The following FASTKD2 variants were observed in gnomAD, a reference collection of about 807,000 sequenced individuals.
FASTKD2 encodes the protein FAST kinase domains 2.
A neutral mutation model predicts 63.6 loss-of-function variants in FASTKD2; 51 were observed. The observed-to-expected ratio is 0.80, with a 90% CI of 0.64 to 1.01. FASTKD2 has a LOEUF of 1.01. Ranked by LOEUF, FASTKD2 falls within the 50% of genes least tolerant of loss-of-function variation. The pLI is 0.00. For missense variants in FASTKD2, 786 were observed against 831.1 expected (o/e 0.95, Z 0.67); for synonymous variants, 284 against 293.4 (o/e 0.97, Z 0.33).
rs761081835 is a variant in FASTKD2 at position 206,771,944 on chromosome 2, CAT to C, written c.1042_1043del (p.Met348ValfsTer2). 2 of 1,611,070 alleles carry C rather than the reference CAT, an allele frequency of 1.2e-6. No individual in the cohort carries two copies. Among genetic ancestry groups the C allele is most frequent in the Non-Finnish European group, 1.7e-6 (2 of 1,177,212 alleles). ...DRFSVLNSQH[M>X]FEVLAAMNHR... is the part of the protein sequence containing the mutation. ...GATTTTCTGTTTTGAATAGCCAACA[CAT>C]GTTTGAAGTACTAGCTGCCATGAAT... On this transcript the variant is annotated frameshift_variant, in exon 5 of 12. Transcript: ENST00000402774. LOFTEE classifies it high-confidence loss of function.
intron 7 of FASTKD2, among the ~76,000 whole-genome samples, chr2:206,777,355 C>G (rs1424060051): frequency 2.0e-5 from 3 of 152,008 alleles, no homozygotes; most frequent in African/African-American, 7.2e-5. Flanking sequence ...TCTTCTATAC[C>G]TAATTTGTTG....
In FASTKD2 at chr2:206,766,519, T is replaced by G. The variant is rs373908894; in HGVS notation, c.-50-125T>G. ...CCACATTGGTAAAAAAAACTTTTACTGTTTTATGTAAATGTTTAATGGCTC... is the reference window on the plus strand; with the variant it reads ...CCACATTGGTAAAAAAAACTTTTACGGTTTTATGTAAATGTTTAATGGCTC... On this transcript the variant is annotated intron_variant, in intron 1 of 11. Transcript: ENST00000402774. 1.1e-4 allele frequency: 70 copies of G among 619,724 alleles called. No homozygotes were observed. In the African/African-American group the frequency reaches 1.2e-3, roughly 11 times the overall value. The allele number at this position is 619,724 out of a possible 1,614,324, so 38.4% of individuals were successfully genotyped here.
chr2:206,767,265 TTGCCAAAAGACTGTC>T lies in FASTKD2; in HGVS notation c.575_589del (p.Ala192_Ser196del), dbSNP rs1216641297. On this transcript the variant is annotated inframe_deletion, in exon 2 of 12. Coordinates refer to ENST00000402774, the MANE Select transcript of FASTKD2 (RefSeq NM_001136193.2). ...AACTATTTCACAGCAATGTGGACAATTGCCAAAAGACTGTCTGATGACCAGAAGCGCTTTGAAAAA... is the reference window on the plus strand; with the variant it reads ...AACTATTTCACAGCAATGTGGACAATTGATGACCAGAAGCGCTTTGAAAAA... The T allele has an allele frequency of 6.2e-7, 1 of 1,614,206 alleles. No homozygotes were observed. The highest frequency in any genetic ancestry group is 1.1e-5 in the South Asian group (1 of 91,088).
chr2:206,770,214 T>C lies in FASTKD2; in HGVS notation c.881+20T>C. ...ATTCAGGTGAGAACTCTCTTATGCT[T>C]TCTTCATGTGGTTTTCTTTGTTCCT... is the stretch of plus-strand genomic sequence containing the variant. On this transcript the variant is annotated intron_variant, in intron 3 of 11. Transcript: ENST00000402774. 1 of 1,409,216 alleles carries C rather than the reference T, an allele frequency of 7.1e-7. No individual in the cohort carries two copies. Among genetic ancestry groups the C allele is most frequent in the Non-Finnish European group, 1.0e-6 (1 of 993,040 alleles). The allele number at this position is 1,409,216 out of a possible 1,614,324, so 87.3% of individuals were successfully genotyped here.
chr2:206,790,828 C>G (rs1690265907), intron 11 of FASTKD2, 142 bp downstream of exon 11: 1 of 683,266 alleles, frequency 1.5e-6, no homozygotes, highest in East Asian at 2.7e-5. Context: ...TTACTGTTTT[C>G]TTTGAAAAAG....
intron 7 of FASTKD2, among the ~76,000 whole-genome samples, chr2:206,774,787 G>A (rs762467991): frequency 6.6e-6 from 1 of 151,952 alleles, no homozygotes; most frequent in Non-Finnish European, 1.5e-5. Context: ...AAAGTGTGCA[G>A]TACAATATTG....
intron 10 of FASTKD2, chr2:206,789,779 CAG>C (rs889287413): frequency 4.6e-5 from 7 of 152,246 alleles, no homozygotes; most frequent in African/African-American, 1.7e-4. Flanking sequence ...CATCTCCCCT[CAG>C]AAGAGGCTTT....
At position 206,771,889 on chromosome 2, in the gene FASTKD2, T is replaced by C. The variant is rs1386750875; in HGVS notation, c.991-5T>C. On this transcript the variant is annotated splice_polypyrimidine_tract_variant and splice_region_variant and intron_variant, in intron 4 of 11. Coordinates refer to ENST00000402774, the MANE Select transcript of FASTKD2 (RefSeq NM_001136193.2). ...AAATTAAATTAAAATTTGTTTTTTC[T>C]TTAGATGAAAGCCTTGAGGGAATTA... The C allele has an allele frequency of 6.3e-7, 1 of 1,595,358 alleles. No homozygotes were observed. Among genetic ancestry groups the C allele is most frequent in the East Asian group, 2.2e-5 (1 of 44,766 alleles).
At chr2:206,768,035 G>A (rs575904520) in intron 2 of FASTKD2, among the ~76,000 whole-genome samples, 5 of 152,200 alleles carry the variant, frequency 3.3e-5, no homozygotes, top group Non-Finnish European at 5.9e-5. Context: ...GGCGATCAAA[G>A]GAGAGGAGTG....
Position 206,767,248 on chromosome 2 carries a change from C to T in FASTKD2, c.555C>T (p.Phe185=). The T allele has an allele frequency of 6.2e-7, 1 of 1,614,188 alleles. No homozygotes were observed. The highest frequency in any genetic ancestry group is 8.5e-7 in the Non-Finnish European group (1 of 1,180,016). The change falls in exon 2 of 12, where the codon TTC becomes TTT. Residue 185 remains phenylalanine, a synonymous_variant. Coordinates refer to ENST00000402774, the MANE Select transcript of FASTKD2 (RefSeq NM_001136193.2). Reference sequence around the variant, plus strand: ...CCACATTTCCTAGTAGCAACTATTTCACAGCAATGTGGACAATTGCCAAAA... The same window carrying T: ...CCACATTTCCTAGTAGCAACTATTTTACAGCAATGTGGACAATTGCCAAAA... ...KAPTFPSSNY[F]TAMWTIAKRL... is the part of the protein sequence containing the mutation.
chr2:206,786,917 A>C lies in FASTKD2; in HGVS notation c.1594+18A>C. ...GACATCAGGTAGGATGTTAGTGCAG[A>C]ATTGGTCACCAATTGTGACCAATTC... is the stretch of plus-strand genomic sequence containing the variant. On this transcript the variant is annotated intron_variant, in intron 8 of 11. Transcript: ENST00000402774. 2 of 1,551,070 alleles carry C rather than the reference A, an allele frequency of 1.3e-6. No homozygotes were observed. Among genetic ancestry groups the C allele is most frequent in the Non-Finnish European group, 1.8e-6 (2 of 1,133,146 alleles).
intron 7 of FASTKD2, among the ~76,000 whole-genome samples, chr2:206,777,158 T>G (rs964163786): frequency 6.6e-6 from 1 of 152,116 alleles, no homozygotes; most frequent in African/African-American, 2.4e-5. Context: ...TGGTTGTTTT[T>G]CTTTCTTTTT....
chr2:206,781,353 T>C (rs1689971670), intron 7 of FASTKD2, among the ~76,000 whole-genome samples: 1 of 148,158 alleles, frequency 6.7e-6, no homozygotes, highest in Non-Finnish European at 1.5e-5. Context: ...TTGATCTTTG[T>C]TGCCCAGGCT....
At position 206,791,755 on chromosome 2, in the gene FASTKD2, G is replaced by A; in HGVS notation, c.2086G>A (p.Val696Ile). The A allele has an allele frequency of 6.2e-7, 1 of 1,612,872 alleles. No homozygotes were observed. The highest frequency in any genetic ancestry group is 8.5e-7 in the Non-Finnish European group (1 of 1,179,242). ...VTFLKTKIYS[V>I]EALPVAAVNV... is the part of the protein sequence containing the mutation. ...ATTTTTGAAGACTAAAATCTATTCA[G>A]TAGAAGCTCTTCCTGTTGCTGCTGT... Residue 696 changes from valine to isoleucine, a missense_variant, in exon 12 of 12, where the codon GTA becomes ATA. Coordinates refer to ENST00000402774, the MANE Select transcript of FASTKD2 (RefSeq NM_001136193.2).
chr2:206,776,611 A>C (rs1236541756), intron 7 of FASTKD2, among the ~76,000 whole-genome samples: 1 of 151,982 alleles, frequency 6.6e-6, no homozygotes, highest in East Asian at 1.9e-4. Context: ...TTTTCCCAAC[A>C]CCTTTTGTTG....
intron 7 of FASTKD2, among the ~76,000 whole-genome samples, chr2:206,784,711 T>G (rs2105984178): frequency 6.6e-6 from 1 of 152,326 alleles, no homozygotes; most frequent in East Asian, 1.9e-4. Context: ...GTTCAGTAAT[T>G]CTGGAAGTCA....
rs954608327 is a variant in FASTKD2, at chr2:206,790,595, G to A, written c.1922G>A (p.Arg641Lys). The A allele has an allele frequency of 1.5e-5, 24 of 1,610,676 alleles. No homozygotes were observed. The highest frequency in any genetic ancestry group is 2.0e-5 in the Non-Finnish European group (23 of 1,177,094). Residue 641 changes from arginine (R) to lysine (K), a missense_variant, in exon 11 of 12, where the codon AGA (arginine) becomes AAA (lysine). Coordinates refer to ENST00000402774, the MANE Select transcript of FASTKD2 (RefSeq NM_001136193.2). ...IQRVAVLCVS[R>K]SAYCLGSSHP... ...AGAGTAGCTGTGCTATGTGTTTCCA[G>A]ATCTGCTTATTGTTTGGGTTCAAGC...
In FASTKD2 at chr2:206,767,049, C is replaced by T. The variant is rs149250098; in HGVS notation, c.356C>T (p.Ser119Phe). 153 of 1,613,900 alleles carry T rather than the reference C, an allele frequency of 9.5e-5. 1 individual carries two copies. The highest frequency in any genetic ancestry group is 5.2e-4 in the Admixed American group (31 of 60,004). ...AKRLFFDSKQ[S>F]LVPVDKSDDE... is the part of the protein sequence containing the mutation. ...AGACTGTTTTTTGACTCAAAGCAGT[C>T]TCTTGTCCCTGTTGATAAATCTGAT... The change falls in exon 2 of 12, where the codon TCT (serine) becomes TTT (phenylalanine). Residue 119 changes from serine (S) to phenylalanine (F), a missense_variant. Transcript: ENST00000402774.
intron 7 of FASTKD2, among the ~76,000 whole-genome samples, chr2:206,784,468 G>T (rs149446437): frequency 2.0e-5 from 3 of 152,326 alleles, no homozygotes; most frequent in African/African-American, 7.2e-5. Context: ...ATGGCCCATC[G>T]GGGAGAGGGT....
Sources: allele counts gnomAD v4.1 joint callset (sites outside exome capture counted in the v4.1 genomes callset), GRCh38; gene constraint gnomAD v4.1.1; transcripts MANE v1.5; gene names NCBI Gene and HGNC (gene_info 2026-07-23, HGNC 2026-07-21).